ADGRG5: variants seen among roughly 807,000 people sequenced by gnomAD.
ADGRG5 encodes G protein-coupled receptor 114.
In ADGRG5, 37 loss-of-function variants were observed where a neutral mutation model predicts 53.2. The observed-to-expected ratio is 0.70, with a 90% confidence interval of 0.53 to 0.91. ADGRG5 has a LOEUF of 0.91. Ranked by LOEUF, ADGRG5 falls within the 40% of genes least tolerant of loss-of-function variation. The probability of loss-of-function intolerance (pLI) is 0.00; values close to 1 mark genes in which losing one functional copy is unlikely to be tolerated. For missense variants in ADGRG5, 614 were observed against 675.8 expected (o/e 0.91, Z 1.01); for synonymous variants, 277 against 290.4 (o/e 0.95, Z 0.47).
intron 1 of ADGRG5, among the ~76,000 whole-genome samples, chr16:57,553,046 G>A (rs2032790794): frequency 6.6e-6 from 1 of 152,192 alleles, no homozygotes. Context: ...GGCGCAGTTT[G>A]TGGTACTCCA....
At chr16:57,549,326 T>G (rs2032694690) in intron 1 of ADGRG5, among the ~76,000 whole-genome samples, 1 of 152,208 alleles carries the variant, frequency 6.6e-6, no homozygotes, top group South Asian at 2.1e-4. Context: ...GCTATCATAT[T>G]TCAGATCTTT....
chr16:57,533,642 A>C, the ADGRG5 span, among the ~76,000 whole-genome samples: 1 of 150,162 alleles, frequency 6.7e-6, no homozygotes, highest in Non-Finnish European at 1.5e-5. Flanking sequence ...AGTAACACTC[A>C]CACTCACACA....
chr16:57,572,368 G>A (rs1054510576), intron 10 of ADGRG5, among the ~76,000 whole-genome samples: 4 of 152,190 alleles, frequency 2.6e-5, no homozygotes, highest in Admixed American at 1.3e-4. Flanking sequence ...CCAGTTACTC[G>A]GGAGGCTGAG....
At chr16:57,556,689 C>T (rs1324628466) in intron 1 of ADGRG5, among the ~76,000 whole-genome samples, 1 of 152,156 alleles carries the variant, frequency 6.6e-6, no homozygotes, top group Non-Finnish European at 1.5e-5. Context: ...ACTGTTTTTA[C>T]ATTAAACAGA....
intron 6 of ADGRG5, 23 bp downstream of exon 6, chr16:57,565,173 T>G: frequency 1.4e-6 from 2 of 1,408,724 alleles, no homozygotes; most frequent in Non-Finnish European, 2.0e-6. Flanking sequence ...GCGCCCCCGT[T>G]TCCACTGCAC....
In ADGRG5 at chr16:57,568,036, C is replaced by G; in HGVS notation, c.1002C>G (p.Ile334Met). Reference sequence around the variant, plus strand: ...TCAGCTGCCTCACCTGGATGGCCATCGAGGGCTTCAACCTCTACCTCCTCC... The same window carrying G: ...TCAGCTGCCTCACCTGGATGGCCATGGAGGGCTTCAACCTCTACCTCCTCC... ...ALLSCLTWMA[I>M]EGFNLYLLLG... The change falls in exon 9 of 12, where the codon ATC (isoleucine) becomes ATG (methionine). Residue 334 changes from isoleucine (I) to methionine (M), a missense_variant. Physicochemically the swap from Ile to Met is conservative, Grantham distance 10 (BLOSUM62 1). Transcript: ENST00000349457. 4 of 1,614,018 alleles carry G rather than the reference C, an allele frequency of 2.5e-6. No individual in the cohort carries two copies. Among genetic ancestry groups the G allele is most frequent in the Non-Finnish European group, 3.4e-6 (4 of 1,179,940 alleles).
At chr16:57,531,236 G>A in the ADGRG5 span, among the ~76,000 whole-genome samples, 25 of 151,622 alleles carry the variant, frequency 1.6e-4, no homozygotes, top group Admixed American at 6.6e-4. Flanking sequence ...CATTCCCCCC[G>A]TGACCAGCTC....
chr16:57,534,597 T>G, the ADGRG5 span, among the ~76,000 whole-genome samples: 2 of 152,156 alleles, frequency 1.3e-5, no homozygotes, highest in Non-Finnish European at 2.9e-5. Context: ...GCAAAGGCCT[T>G]ACTTTGAAGT....
chr16:57,533,271 G>A, the ADGRG5 span, among the ~76,000 whole-genome samples: 39 of 152,180 alleles, frequency 2.6e-4, no homozygotes, highest in Admixed American at 1.6e-3. Context: ...CCCCTGGAGC[G>A]GGTGTGTGGG....
At chr16:57,563,531 A>C (rs532687962) in intron 4 of ADGRG5, among the ~76,000 whole-genome samples, 1 of 152,258 alleles carries the variant, frequency 6.6e-6, no homozygotes, top group Non-Finnish European at 1.5e-5. Flanking sequence ...GAGAGGCCAG[A>C]AACCCTGGCT....
the ADGRG5 span, among the ~76,000 whole-genome samples, chr16:57,531,547 G>C: frequency 6.6e-6 from 1 of 152,132 alleles, no homozygotes; most frequent in Admixed American, 6.5e-5. Flanking sequence ...AACAGCCAGA[G>C]TGAGTTCTTG....
rs748069741 is a variant in ADGRG5, at chr16:57,575,133, G to A, written c.1486+41G>A. On this transcript the variant is annotated intron_variant, in intron 11 of 11. Transcript: ENST00000349457. ...GGCCTGGAGGAAGCTACCTGGCAGG[G>A]GGTGTATGGCTGGTGGGATGTTCAC... The A allele has an allele frequency of 2.5e-6, 4 of 1,582,250 alleles. No homozygotes were observed. The Admixed American group carries it at 6.9e-5, about 27-fold the overall frequency.
chr16:57,575,234 G>A, intron 11 of ADGRG5, 142 bp downstream of exon 11: 1 of 1,049,364 alleles, frequency 9.5e-7, no homozygotes, highest in Non-Finnish European at 1.4e-6. Flanking sequence ...TAAGCTGGTG[G>A]GGGCTACATC....
At chr16:57,535,186 G>A in the ADGRG5 span, among the ~76,000 whole-genome samples, 2 of 152,208 alleles carry the variant, frequency 1.3e-5, no homozygotes, top group African/African-American at 4.8e-5. Flanking sequence ...CAGACTGCGG[G>A]CACCTGTCCC....
rs755390956 is a variant in ADGRG5 at position 57,574,911 on chromosome 16, G to A, written c.1305G>A (p.Leu435=). 3.7e-6 allele frequency: 6 copies of A among 1,612,984 alleles called. No individual in the cohort carries two copies. Among genetic ancestry groups the A allele is most frequent in the Non-Finnish European group, 3.4e-6 (4 of 1,179,962 alleles). ...LFNLVVLAWA[L]WTLRRLRERA... ...ACCTGGTGGTGCTGGCCTGGGCGCT[G>A]TGGACCCTGCGCAGGCTGCGGGAGC... Residue 435 remains leucine, a synonymous_variant, in exon 11 of 12, where the codon CTG becomes CTA. Transcript: ENST00000349457. The surrounding 1 kb of genome is among the most constrained non-coding windows in gnomAD (Gnocchi z 4.4).
the ADGRG5 span, among the ~76,000 whole-genome samples, chr16:57,534,131 C>G: frequency 3.3e-5 from 5 of 152,222 alleles, no homozygotes; most frequent in Admixed American, 6.5e-5. Flanking sequence ...CTGCCACCAA[C>G]TCCAGGAAAT....
At chr16:57,535,360 C>G in the ADGRG5 span, among the ~76,000 whole-genome samples, 1 of 152,190 alleles carries the variant, frequency 6.6e-6, no homozygotes. Context: ...GCCACAGAGA[C>G]AGCCTGGATC....
Position 57,567,977 on chromosome 16 carries a change from A to T in ADGRG5, c.943A>T (p.Thr315Ser), listed in dbSNP as rs1248583876. The T allele has an allele frequency of 1.2e-6, 2 of 1,613,868 alleles. No individual in the cohort carries two copies. Among genetic ancestry groups the T allele is most frequent in the Non-Finnish European group, 1.7e-6 (2 of 1,179,952 alleles). The change falls in exon 9 of 12, where the codon ACG (threonine) becomes TCG (serine). Residue 315 changes from threonine (T) to serine (S), a missense_variant. Transcript: ENST00000349457. ...AMSPVPGSAC[T>S]ALAAALHYAL... Reference sequence around the variant, plus strand: ...GTCTCCTGTGCCCGGGTCAGCATGCACGGCTCTGGCCGCTGCCCTGCACTA... The same window carrying T: ...GTCTCCTGTGCCCGGGTCAGCATGCTCGGCTCTGGCCGCTGCCCTGCACTA...
At position 57,562,155 on chromosome 16, in the gene ADGRG5, C is replaced by T; in HGVS notation, c.62C>T (p.Thr21Ile). Residue 21 changes from threonine (T) to isoleucine (I), a missense_variant and splice_region_variant, in exon 2 of 12, where the codon ACA becomes ATA. Thr to Ile is a moderately conservative substitution (Grantham distance 89, BLOSUM62 -1). Coordinates refer to ENST00000349457, the MANE Select transcript of ADGRG5 (RefSeq NM_001304376.3). ...CTTCTGACTTTGCAGAATGCAACAACAGGTAAGGGGGCTCTGCTGAACTGG... is the reference window on the plus strand; with the variant it reads ...CTTCTGACTTTGCAGAATGCAACAATAGGTAAGGGGGCTCTGCTGAACTGG... ...LCLLTLQNAT[T>I]ETWEELLSYM... The T allele has an allele frequency of 1.9e-6, 3 of 1,600,986 alleles. No homozygotes were observed. Among genetic ancestry groups the T allele is most frequent in the Non-Finnish European group, 2.6e-6 (3 of 1,171,056 alleles).
Sources: gnomAD v4.1 joint callset for allele counts (sites outside exome capture counted in the v4.1 genomes callset) on GRCh38, gnomAD v4.1.1 for gene constraint, Gnocchi (gnomAD v3.1) non-coding constraint, MANE v1.5 for transcripts, NCBI Gene and HGNC (gene_info 2026-07-23, HGNC 2026-07-21) for gene names.